SKP2: variants seen among roughly 807,000 people sequenced by gnomAD.
SKP2 encodes S-phase kinase-associated protein 2.
A neutral mutation model predicts 51.8 loss-of-function variants in SKP2; 16 were observed. The observed-to-expected ratio is 0.31, with a 90% CI of 0.21 to 0.47. SKP2 has a LOEUF of 0.47. Ranked by LOEUF, SKP2 falls within the 20% of genes least tolerant of loss-of-function variation. The probability of loss-of-function intolerance (pLI) is 1.00; values close to 1 mark genes in which losing one functional copy is unlikely to be tolerated. For synonymous variants in SKP2, 176 were observed against 198.6 expected, an observed-to-expected ratio of 0.89 and a Z score of 0.96; for missense variants, 377 against 505.3, an observed-to-expected ratio of 0.75 and a Z score of 2.43.
chr5:36,177,348 C>T (rs1439200819), intron 9 of SKP2, 56 bp downstream of exon 9: 6 of 1,052,416 alleles, frequency 5.7e-6, no homozygotes, highest in African/African-American at 3.1e-5. Flanking sequence ...CAGAGATGCC[C>T]CTTGGTGTGA....
chr5:36,154,686 G>T (rs1744886001), intron 2 of SKP2, among the ~76,000 whole-genome samples: 1 of 152,020 alleles, frequency 6.6e-6, no homozygotes, highest in African/African-American at 2.4e-5. Flanking sequence ...GCACCACCAC[G>T]CCCAGCAATT....
chr5:36,166,805 T>C (rs1745304729), intron 4 of SKP2, 143 bp downstream of exon 4: 3 of 666,364 alleles, frequency 4.5e-6, no homozygotes, highest in Admixed American at 2.9e-5. Context: ...TTCCATACTT[T>C]GCTATGGGGC....
intron 2 of SKP2, among the ~76,000 whole-genome samples, chr5:36,162,857 A>C (rs561891269): frequency 3.9e-5 from 6 of 152,196 alleles, no homozygotes; most frequent in Non-Finnish European, 8.8e-5. Context: ...GGAAACGTAC[A>C]AGCTTGGTGG....
downstream of SKP2, among the ~76,000 whole-genome samples, chr5:36,189,182 A>C (rs1745982454): frequency 6.6e-6 from 1 of 152,158 alleles, no homozygotes; most frequent in African/African-American, 2.4e-5. Context: ...TTCCTCCTTT[A>C]GCTCGGAGAA....
chr5:36,185,322 G>A (rs1745938714), downstream of SKP2, among the ~76,000 whole-genome samples: 1 of 152,202 alleles, frequency 6.6e-6, no homozygotes, highest in South Asian at 2.1e-4. Context: ...TTTTAGACAT[G>A]AAGTCCTTGC....
chr5:36,169,916 G>C (rs1745414362), intron 5 of SKP2, among the ~76,000 whole-genome samples: 1 of 152,142 alleles, frequency 6.6e-6, no homozygotes, highest in African/African-American at 2.4e-5. Flanking sequence ...GGCATTTGGG[G>C]ATGTATTAGA....
chr5:36,161,625 G>A (rs1315278258), intron 2 of SKP2, among the ~76,000 whole-genome samples: 1 of 152,176 alleles, frequency 6.6e-6, no homozygotes, highest in Non-Finnish European at 1.5e-5. Flanking sequence ...TAAGCATTGT[G>A]GACTTTAGCC....
chr5:36,177,786 T>G (rs1179591875), intron 9 of SKP2, among the ~76,000 whole-genome samples: 2 of 152,122 alleles, frequency 1.3e-5, no homozygotes, highest in Admixed American at 6.6e-5. Context: ...GTATGTATTG[T>G]AAGTCTGATA....
chr5:36,170,563 T>TG, intron 6 of SKP2, 121 bp downstream of exon 6: 1 of 589,396 alleles, frequency 1.7e-6, no homozygotes. Flanking sequence ...CTTGATTTGG[T>TG]GAATGCAAAA....
At chr5:36,190,223 TGTCCTGCAC>T (rs1466014667) in intron 6 of SKP2, among the ~76,000 whole-genome samples, 2 of 3,356 alleles carry the variant, frequency 6.0e-4, no homozygotes, top group African/African-American at 1.9e-3. Flanking sequence ...CTGCACCCAC[TGTCCTGCAC>T]CCACTGTCCG....
intron 4 of SKP2, among the ~76,000 whole-genome samples, chr5:36,167,580 C>A (rs1481549753): frequency 6.6e-6 from 1 of 151,724 alleles, no homozygotes; most frequent in Non-Finnish European, 1.5e-5. Context: ...CTTACAAGGA[C>A]TTCAATATTA....
At chr5:36,174,921 G>T (rs1392564817) in intron 7 of SKP2, among the ~76,000 whole-genome samples, 2 of 152,138 alleles carry the variant, frequency 1.3e-5, no homozygotes, top group Non-Finnish European at 2.9e-5. Flanking sequence ...GAGAAAGATG[G>T]CCAAGGGCTG....
chr5:36,189,885 G>T (rs568470996), intron 6 of SKP2, among the ~76,000 whole-genome samples: 141 of 152,256 alleles, frequency 9.3e-4, no homozygotes, highest in African/African-American at 3.3e-3. Context: ...GAGCTTCCTG[G>T]CTGCTTTGTT....
chr5:36,159,540 C>T (rs572463427), intron 2 of SKP2, among the ~76,000 whole-genome samples: 2 of 152,088 alleles, frequency 1.3e-5, no homozygotes, highest in African/African-American at 4.8e-5. Flanking sequence ...TGCCTGAGGG[C>T]TTTCTCTGGG....
At chr5:36,173,770 A>G (rs558509697) in intron 7 of SKP2, among the ~76,000 whole-genome samples, 1 of 152,246 alleles carries the variant, frequency 6.6e-6, no homozygotes, top group Non-Finnish European at 1.5e-5. Context: ...TTTTAATTAT[A>G]CCATGGGGAT....
downstream of SKP2, among the ~76,000 whole-genome samples, chr5:36,185,657 C>A (rs150362903): frequency 6.4e-3 from 971 of 152,214 alleles, 7 homozygotes; most frequent in Non-Finnish European, 0.011. Context: ...TTACTGTAGC[C>A]TTGTAGGATA....
chr5:36,152,162 A>G lies in SKP2; in HGVS notation c.-101A>G, dbSNP rs1448647562. 7.9e-7 allele frequency: 1 copy of G among 1,266,914 alleles called. No homozygotes were observed. Among genetic ancestry groups the G allele is most frequent in the Non-Finnish European group, 1.2e-6 (1 of 866,450 alleles). 78.5% of individuals were successfully genotyped at this position (1,266,914 alleles called of 1,614,324 possible). A position where few individuals can be genotyped will look rare whatever the true frequency, so the allele number is the denominator to read the frequency against. ...AGCGGGTCTGGCTGCTGGGGGCCCG[A>G]GCAGCACGCTCGGAGCCGCCGCGCG... On this transcript the variant is annotated 5_prime_UTR_variant, in exon 1 of 10. Coordinates refer to ENST00000274255, the MANE Select transcript of SKP2 (RefSeq NM_005983.4).
chr5:36,180,713 A>T (rs1246840749), intron 9 of SKP2, among the ~76,000 whole-genome samples: 1 of 152,204 alleles, frequency 6.6e-6, no homozygotes, highest in African/African-American at 2.4e-5. Context: ...CTTTAGGAGG[A>T]TGCCTTGGAA....
chr5:36,153,056 G>A lies in SKP2; in HGVS notation c.280+14G>A, dbSNP rs541150656. 6.8e-6 allele frequency: 11 copies of A among 1,607,428 alleles called. No homozygotes were observed. In the Admixed American group the frequency reaches 1.5e-4, roughly 22 times the overall value. The stretch of plus-strand genomic sequence containing the variant: ...AGAACTTTCCAGGTAAGGACATGAG[G>A]GTAAAAATGTCAGTTATGCAAAGGG... On this transcript the variant is annotated intron_variant, in intron 2 of 9. Coordinates refer to ENST00000274255, the MANE Select transcript of SKP2 (RefSeq NM_005983.4).
Sources: gnomAD v4.1 joint callset for allele counts (sites outside exome capture counted in the v4.1 genomes callset) on GRCh38, gnomAD v4.1.1 for gene constraint, MANE v1.5 for transcripts, NCBI Gene and HGNC (gene_info 2026-07-23, HGNC 2026-07-21) for gene names.